PHLDB2: variants seen among roughly 807,000 people sequenced by gnomAD.
PHLDB2 encodes the protein pleckstrin homology-like domain family B member 2.
In PHLDB2, 71 loss-of-function variants were observed where a neutral mutation model predicts 123.6. The ratio of observed to expected loss-of-function variants is 0.57; its 90% CI spans 0.47 to 0.70. PHLDB2 has a LOEUF of 0.70. Among genes scored for constraint, PHLDB2 ranks in the 30% least tolerant of loss-of-function variants. The probability of loss-of-function intolerance (pLI) is 0.00; values close to 1 mark genes in which losing one functional copy is unlikely to be tolerated. For synonymous variants in PHLDB2, 547 were observed against 541.6 expected, an observed-to-expected ratio of 1.01 and a Z score of -0.14; for missense variants, 1,446 against 1,519.5, an observed-to-expected ratio of 0.95 and a Z score of 0.80.
intron 1 of PHLDB2, among the ~76,000 whole-genome samples, chr3:111,762,877 C>G (rs2060018135): frequency 6.6e-6 from 1 of 152,164 alleles, no homozygotes; most frequent in Admixed American, 6.5e-5. Flanking sequence ...TCAAAGCCCT[C>G]TGGTTCCTAA....
chr3:111,738,237 C>T (rs2059542394), intron 1 of PHLDB2, among the ~76,000 whole-genome samples: 1 of 152,046 alleles, frequency 6.6e-6, no homozygotes, highest in Non-Finnish European at 1.5e-5. Context: ...CTCCATTTTC[C>T]ATAAGAATAG....
intron 1 of PHLDB2, among the ~76,000 whole-genome samples, chr3:111,747,979 C>A (rs1474375017): frequency 1.3e-5 from 2 of 152,182 alleles, no homozygotes; most frequent in East Asian, 3.8e-4. Context: ...TCCTACAGAG[C>A]TGGGATTAAC....
chr3:111,862,405 G>A (rs1386116006), intron 1 of PHLDB2, among the ~76,000 whole-genome samples: 3 of 152,166 alleles, frequency 2.0e-5, no homozygotes, highest in Admixed American at 2.0e-4. Context: ...ATACATTAGA[G>A]CTGTGGTTTT....
intron 1 of PHLDB2, 88 bp from the exon 2 acceptor site, chr3:111,883,976 A>G (rs1173621050): frequency 1.0e-5 from 13 of 1,284,444 alleles, no homozygotes; most frequent in Admixed American, 2.3e-5. Context: ...TCAGACTGCA[A>G]GATTGTTTGT....
rs5851804 is a variant in PHLDB2 at position 111,926,590 on chromosome 3, G to GT, written c.2002-5667dup. ...TAAGTCCTGAGTTTCTGACTTTCTA[G>GT]TTTTTTTTTTTTCTATGCTAAACAT... On this transcript the variant is annotated intron_variant, in intron 5 of 17. Transcript: ENST00000431670. Among the ~76,000 whole-genome samples, 330 of 146,906 alleles carry GT rather than the reference G, an allele frequency of 2.2e-3. 1 individual carries two copies. Among genetic ancestry groups the GT allele is most frequent in the African/African-American group, 7.1e-3 (287 of 40,286 alleles).
chr3:111,849,432 A>G (rs2108598027), intron 2 of PHLDB2, among the ~76,000 whole-genome samples: 1 of 152,310 alleles, frequency 6.6e-6, no homozygotes, highest in East Asian at 1.9e-4. Flanking sequence ...TGGCCTCCCA[A>G]AGCGCTGGGA....
chr3:111,852,146 T>C (rs923832612), intron 2 of PHLDB2, among the ~76,000 whole-genome samples: 3 of 151,810 alleles, frequency 2.0e-5, no homozygotes, highest in African/African-American at 4.8e-5. Context: ...ACATTCCTCA[T>C]GTTCTGAATC....
At chr3:111,939,689 G>A (rs1006465745) in intron 7 of PHLDB2, 59 bp downstream of exon 7, 1 of 1,502,644 alleles carries the variant, frequency 6.7e-7, no homozygotes, top group Non-Finnish European at 9.1e-7. Context: ...GCTTAACATA[G>A]CTATGACATA....
intron 12 of PHLDB2, among the ~76,000 whole-genome samples, chr3:111,955,700 C>A (rs1165260043): frequency 6.6e-6 from 1 of 152,072 alleles, no homozygotes; most frequent in East Asian, 1.9e-4. Flanking sequence ...TGATCTCCCA[C>A]CTTGGCCTCC....
chr3:111,752,224 G>GTGTGTA (rs1310963042), intron 1 of PHLDB2, among the ~76,000 whole-genome samples: 4 of 142,498 alleles, frequency 2.8e-5, no homozygotes, highest in African/African-American at 1.1e-4. Flanking sequence ...TTCTAAGTGT[G>GTGTGTA]TGTGTGTGTG....
intron 2 of PHLDB2, chr3:111,911,835 A>C: frequency 1.2e-6 from 1 of 830,792 alleles, no homozygotes; most frequent in East Asian, 2.7e-5. Context: ...GATACACCTT[A>C]AATATCTGTC....
intron 1 of PHLDB2, among the ~76,000 whole-genome samples, chr3:111,882,872 T>C (rs1263259181): frequency 6.6e-6 from 1 of 152,214 alleles, no homozygotes; most frequent in Admixed American, 6.5e-5. Flanking sequence ...TTTTCACCTA[T>C]AGGACAACAA....
chr3:111,919,015 T>G, intron 3 of PHLDB2, 57 bp from the exon 4 acceptor site: 1 of 1,578,654 alleles, frequency 6.3e-7, no homozygotes, highest in Non-Finnish European at 8.7e-7. Context: ...ACAAGTCAAG[T>G]TGGGAAATTC....
intron 1 of PHLDB2, among the ~76,000 whole-genome samples, chr3:111,781,765 T>A (rs2060484299): frequency 6.6e-6 from 1 of 152,112 alleles, no homozygotes; most frequent in African/African-American, 2.4e-5. Flanking sequence ...ACTCTCAAAT[T>A]CTTAAGCATA....
intron 1 of PHLDB2, among the ~76,000 whole-genome samples, chr3:111,805,046 C>A (rs1357160244): frequency 6.7e-6 from 1 of 149,420 alleles, no homozygotes; most frequent in East Asian, 1.9e-4. Context: ...AAGTGTCAAC[C>A]TCAGTCACTT....
At chr3:111,779,884 C>A in intron 1 of PHLDB2, 3 of 982,760 alleles carry the variant, frequency 3.1e-6, no homozygotes, top group Non-Finnish European at 3.6e-6. Context: ...AGTCAATCAG[C>A]CATGGCCAAT....
intron 1 of PHLDB2, among the ~76,000 whole-genome samples, chr3:111,771,399 G>A (rs542246720): frequency 8.6e-5 from 13 of 151,028 alleles, no homozygotes; most frequent in African/African-American, 2.9e-4. Flanking sequence ...GCCCAGGCTG[G>A]AGTGCAGTGG....
intron 9 of PHLDB2, among the ~76,000 whole-genome samples, chr3:111,946,300 G>C (rs1004985387): frequency 1.3e-5 from 2 of 152,158 alleles, no homozygotes; most frequent in Admixed American, 6.5e-5. Context: ...GGGATTACAG[G>C]CGTGAGCCAC....
chr3:111,913,770 A>T, intron 3 of PHLDB2, 68 bp downstream of exon 3: 1 of 1,436,942 alleles, frequency 7.0e-7, no homozygotes, highest in Non-Finnish European at 9.4e-7. Context: ...TGGCATGAAA[A>T]CTGATGATTT....
Sources: gnomAD v4.1 joint callset for allele counts (sites outside exome capture counted in the v4.1 genomes callset) on GRCh38, gnomAD v4.1.1 for gene constraint, MANE v1.5 for transcripts, NCBI Gene and HGNC (gene_info 2026-07-23, HGNC 2026-07-21) for gene names.